The following SCGN variants were observed in gnomAD, a reference collection of about 807,000 sequenced individuals.
SCGN encodes secretagogin, EF-hand calcium binding protein.
Under a neutral mutation model 39.7 loss-of-function variants are expected in SCGN, and 30 were observed. That is an observed-to-expected ratio of 0.76 (90% CI 0.57 to 1.03). The LOEUF (loss-of-function observed/expected upper bound fraction) is 1.03, where lower values mean the gene tolerates loss of function less well. Among genes scored for constraint, SCGN ranks in the 50% least tolerant of loss-of-function variants. The pLI is 0.00. For missense variants in SCGN, 353 were observed against 349.4 expected (o/e 1.01, Z -0.08); for synonymous variants, 106 against 114.1 (o/e 0.93, Z 0.45).
chr6:25,699,636 CACACTTTT>C (rs1759883592), intron 10 of SCGN, among the ~76,000 whole-genome samples: 1 of 147,536 alleles, frequency 6.8e-6, no homozygotes, highest in Non-Finnish European at 1.5e-5. Context: ...AAATGGAGGA[CACACTTTT>C]CAGTGTAAAC....
At chr6:25,691,495 A>G (rs999577807) in intron 10 of SCGN, among the ~76,000 whole-genome samples, 3 of 152,196 alleles carry the variant, frequency 2.0e-5, no homozygotes, top group African/African-American at 7.2e-5. Flanking sequence ...CACGTAATAA[A>G]ACTTATCTTC....
chr6:25,660,726 A>G (rs1005108949), intron 2 of SCGN, among the ~76,000 whole-genome samples: 1 of 152,192 alleles, frequency 6.6e-6, no homozygotes, highest in Admixed American at 6.5e-5. Context: ...TCCACCCCCA[A>G]CACCAACAGG....
intron 3 of SCGN, among the ~76,000 whole-genome samples, chr6:25,663,006 G>C (rs573981160): frequency 6.6e-6 from 1 of 152,320 alleles, no homozygotes; most frequent in South Asian, 2.1e-4. Context: ...ACTAACAACA[G>C]ATAGACATTC....
intron 2 of SCGN, among the ~76,000 whole-genome samples, chr6:25,655,760 A>G (rs1760216411): frequency 6.6e-6 from 1 of 152,308 alleles, no homozygotes; most frequent in African/African-American, 2.4e-5. Flanking sequence ...AAAGCACTCA[A>G]AGTCAGTTAG....
chr6:25,701,477 C>T lies in SCGN; in HGVS notation c.*142C>T. 1.0e-6 allele frequency: 1 copy of T among 999,206 alleles called. No homozygotes were observed. Among genetic ancestry groups the T allele is most frequent in the Non-Finnish European group, 1.5e-6 (1 of 682,224 alleles). The allele number at this position is 999,206 out of a possible 1,614,324, so 61.9% of individuals were successfully genotyped here. On this transcript the variant is annotated 3_prime_UTR_variant, in exon 11 of 11. Transcript: ENST00000377961. ...TTGGGCAAGAACAGGGACGCTAGGG[C>T]CTTCCTTCCACCGGCGTGATCTATC...
chr6:25,682,594 T>C (rs1759651723), intron 7 of SCGN, among the ~76,000 whole-genome samples: 1 of 152,040 alleles, frequency 6.6e-6, no homozygotes, highest in Admixed American at 6.6e-5. Flanking sequence ...CAGCATGGAG[T>C]TGTCTACAAA....
chr6:25,699,601 A>G (rs573403332), intron 10 of SCGN, among the ~76,000 whole-genome samples: 1 of 151,782 alleles, frequency 6.6e-6, no homozygotes, highest in South Asian at 2.1e-4. Context: ...AAAAAAAAAA[A>G]AAAAAAAAAG....
intron 6 of SCGN, among the ~76,000 whole-genome samples, chr6:25,673,205 C>G (rs1759522794): frequency 6.6e-6 from 1 of 152,202 alleles, no homozygotes; most frequent in Non-Finnish European, 1.5e-5. Context: ...CTTGCTCCCT[C>G]TTGGGGTGCT....
chr6:25,657,068 A>G (rs1183520414), intron 2 of SCGN, among the ~76,000 whole-genome samples: 1 of 152,174 alleles, frequency 6.6e-6, no homozygotes, highest in East Asian at 1.9e-4. Context: ...CCTGTATGGT[A>G]CATGAACCCT....
intron 6 of SCGN, among the ~76,000 whole-genome samples, chr6:25,678,597 C>T (rs753377868): frequency 3.3e-5 from 5 of 152,322 alleles, no homozygotes; most frequent in Middle Eastern, 3.4e-3. Context: ...GGGAAATAAG[C>T]AGGACTGGCT....
intron 6 of SCGN, among the ~76,000 whole-genome samples, chr6:25,672,963 C>A (rs548739795): frequency 6.6e-6 from 1 of 152,122 alleles, no homozygotes; most frequent in Non-Finnish European, 1.5e-5. Flanking sequence ...GGTCTTGTAC[C>A]CCACTAGCCT....
intron 10 of SCGN, among the ~76,000 whole-genome samples, 167 bp from the exon 11 acceptor site, chr6:25,701,040 T>C (rs902845209): frequency 2.0e-5 from 3 of 152,194 alleles, no homozygotes; most frequent in African/African-American, 7.2e-5. Flanking sequence ...AGAAAACTTA[T>C]CCTTGGCAGC....
At chr6:25,672,419 C>T (rs1001892432) in intron 6 of SCGN, among the ~76,000 whole-genome samples, 1 of 152,138 alleles carries the variant, frequency 6.6e-6, no homozygotes, top group Non-Finnish European at 1.5e-5. Context: ...CCAGGAATGG[C>T]AGTACTAGCA....
chr6:25,673,148 A>G (rs1480360457), intron 6 of SCGN, among the ~76,000 whole-genome samples: 1 of 152,138 alleles, frequency 6.6e-6, no homozygotes, highest in African/African-American at 2.4e-5. Flanking sequence ...GGACCCTGCT[A>G]TCTCCCCTGT....
chr6:25,693,177 C>T lies in SCGN; in HGVS notation c.702+2053C>T, dbSNP rs191088729. Among the ~76,000 whole-genome samples, 530 of 152,090 alleles carry T rather than the reference C, an allele frequency of 3.5e-3. 6 individuals carry two copies. The highest frequency in any genetic ancestry group is 0.013 in the South Asian group (61 of 4,806). On this transcript the variant is annotated intron_variant, in intron 10 of 10. Transcript: ENST00000377961. Reference sequence around the variant, plus strand: ...ATTTTATTAGAACAAAGCGGCCGGGCGCGGTGGCTCATGCCTGTAATCCTA... The same window carrying T: ...ATTTTATTAGAACAAAGCGGCCGGGTGCGGTGGCTCATGCCTGTAATCCTA...
intron 2 of SCGN, among the ~76,000 whole-genome samples, chr6:25,659,615 T>C (rs1012126976): frequency 3.3e-5 from 5 of 152,210 alleles, no homozygotes; most frequent in Middle Eastern, 3.2e-3. Context: ...CGTTTTGATT[T>C]ATAGTTGCAG....
intron 2 of SCGN, among the ~76,000 whole-genome samples, chr6:25,654,050 GTCTC>G (rs577892545): frequency 1.3e-5 from 2 of 152,168 alleles, no homozygotes; most frequent in Admixed American, 1.3e-4. Context: ...ACTCTTGAAA[GTCTC>G]TCTATCAAAG....
chr6:25,695,136 C>G (rs906249431), intron 10 of SCGN, among the ~76,000 whole-genome samples: 2 of 152,098 alleles, frequency 1.3e-5, no homozygotes, highest in Non-Finnish European at 2.9e-5. Flanking sequence ...CACCCCATTC[C>G]CCAAGCTCTG....
intron 10 of SCGN, among the ~76,000 whole-genome samples, chr6:25,692,872 T>C (rs1473175541): frequency 6.6e-6 from 1 of 152,170 alleles, no homozygotes; most frequent in Non-Finnish European, 1.5e-5. Context: ...TCCCTCACTA[T>C]GAAAAGAACT....
Sources: gnomAD v4.1 joint callset for allele counts (sites outside exome capture counted in the v4.1 genomes callset) on GRCh38, gnomAD v4.1.1 for gene constraint, MANE v1.5 for transcripts, NCBI Gene and HGNC (gene_info 2026-07-23, HGNC 2026-07-21) for gene names.